Variants in ASPH observed in about 807,000 individuals in gnomAD.
The protein encoded by ASPH is aspartate beta-hydroxylase, also known as aspartyl/asparaginyl beta-hydroxylase.
ASPH carries 100 observed loss-of-function variants against 118.4 expected under a neutral mutation model. That is an observed-to-expected ratio of 0.84 (90% CI 0.72 to 1.00). The LOEUF (loss-of-function observed/expected upper bound fraction) is 1.00, where lower values mean the gene tolerates loss of function less well. Among genes scored for constraint, ASPH ranks in the 50% least tolerant of loss-of-function variants. The pLI, the probability that ASPH is intolerant of heterozygous loss-of-function variation, is 0.00. For synonymous variants in ASPH, 315 were observed against 325.6 expected, an observed-to-expected ratio of 0.97 and a Z score of 0.35; for missense variants, 920 against 919.5, an observed-to-expected ratio of 1.00 and a Z score of -0.01.
chr8:61,509,800 AG>A (rs909882324), intron 24 of ASPH, among the ~76,000 whole-genome samples: 7 of 152,028 alleles, frequency 4.6e-5, no homozygotes, highest in African/African-American at 1.5e-4. Context: ...AGATGTGAGT[AG>A]GGGGGGAGGG....
chr8:61,664,722 C>T (rs1259344905), intron 3 of ASPH: 4 of 985,596 alleles, frequency 4.1e-6, no homozygotes, highest in Non-Finnish European at 4.8e-6. Context: ...GAACGGCCCC[C>T]TGAAAGGCTG....
intron 3 of ASPH, chr8:61,663,067 T>C (rs1320043806): frequency 1.1e-5 from 11 of 985,296 alleles, no homozygotes; most frequent in East Asian, 1.1e-4. Context: ...TAAAATTTTG[T>C]ACATAAGTTT....
chr8:61,624,675 ATATT>A (rs1852099715), intron 13 of ASPH: 1 of 985,518 alleles, frequency 1.0e-6, no homozygotes, highest in East Asian at 1.1e-4. Context: ...GAATTCAAAA[ATATT>A]TAAAGTTAAC....
At chr8:61,519,826 T>C (rs1436889864) in intron 22 of ASPH, among the ~76,000 whole-genome samples, 1 of 152,228 alleles carries the variant, frequency 6.6e-6, no homozygotes, top group Non-Finnish European at 1.5e-5. Context: ...ACAGCCCTGG[T>C]GACACTTGTA....
At chr8:61,606,080 T>C (rs1276685492) in intron 14 of ASPH, among the ~76,000 whole-genome samples, 1 of 152,176 alleles carries the variant, frequency 6.6e-6, no homozygotes, top group Non-Finnish European at 1.5e-5. Context: ...TGCTTGACTC[T>C]TAGGACTGTC....
intron 21 of ASPH, among the ~76,000 whole-genome samples, chr8:61,533,617 G>C (rs1243883431): frequency 1.3e-5 from 2 of 152,158 alleles, no homozygotes; most frequent in African/African-American, 2.4e-5. Context: ...AAGCCAGTTT[G>C]TTTGTTTTTT....
At chr8:61,690,232 A>G (rs1437158128) in intron 1 of ASPH, among the ~76,000 whole-genome samples, 1 of 152,236 alleles carries the variant, frequency 6.6e-6, no homozygotes, top group African/African-American at 2.4e-5. Flanking sequence ...GAATGAAACA[A>G]AACCATACAT....
At chr8:61,540,949 G>GA (rs199630253) in intron 21 of ASPH, among the ~76,000 whole-genome samples, 3,611 of 150,368 alleles carry the variant, frequency 0.024, 105 homozygotes, top group African/African-American at 0.065. Flanking sequence ...AATAAGAATT[G>GA]AAAAAAAAAT....
intron 1 of ASPH, among the ~76,000 whole-genome samples, chr8:61,701,266 C>T (rs1835178168): frequency 6.6e-6 from 1 of 152,184 alleles, no homozygotes; most frequent in African/African-American, 2.4e-5. Flanking sequence ...GGTGAAGGAC[C>T]AGCTGAGCAG....
intron 15 of ASPH, chr8:61,583,651 G>A (rs1838325145): frequency 7.9e-6 from 2 of 254,586 alleles, no homozygotes; most frequent in Non-Finnish European, 1.5e-5. Flanking sequence ...GAAAACTAAC[G>A]CCCAGAAGAG....
At chr8:61,607,029 T>G (rs1470510398) in intron 14 of ASPH, 1 of 436,344 alleles carries the variant, frequency 2.3e-6, no homozygotes. Flanking sequence ...TTCCATCTCC[T>G]GCCAGCAGTG....
At chr8:61,508,107 C>T (rs1807349961) in intron 24 of ASPH, among the ~76,000 whole-genome samples, 1 of 152,170 alleles carries the variant, frequency 6.6e-6, no homozygotes, top group Non-Finnish European at 1.5e-5. Context: ...CTCCGCCTCC[C>T]AGGCTCAGGT....
At chr8:61,619,612 C>G (rs971007337) in intron 13 of ASPH, among the ~76,000 whole-genome samples, 3 of 152,142 alleles carry the variant, frequency 2.0e-5, no homozygotes, top group Non-Finnish European at 4.4e-5. Flanking sequence ...CAGTGTCTCT[C>G]CCACAAATAG....
intron 13 of ASPH, among the ~76,000 whole-genome samples, chr8:61,622,121 C>T (rs1157300739): frequency 6.6e-6 from 1 of 152,148 alleles, no homozygotes; most frequent in Admixed American, 6.5e-5. Context: ...GGGCAGATCA[C>T]AAGGTCAAGA....
At chr8:61,531,469 T>A (rs1171677282) in intron 21 of ASPH, among the ~76,000 whole-genome samples, 2 of 152,060 alleles carry the variant, frequency 1.3e-5, no homozygotes, top group Admixed American at 6.6e-5. Context: ...AAGGTTTGAG[T>A]GTGTATGGTT....
At position 61,534,322 on chromosome 8, in the gene ASPH, C is replaced by G. The variant is rs1818680413; in HGVS notation, c.1765-8210G>C. ...TTACCTCCTTTTCTCCTAGACTAGT[C>G]AAATCTTGTAATATGTAATCCAACC... On this transcript the variant is annotated intron_variant, in intron 21 of 24. Coordinates refer to ENST00000379454, the MANE Select transcript of ASPH (RefSeq NM_004318.4). Among the ~76,000 whole-genome samples, 2 of 152,092 alleles carry G rather than the reference C, an allele frequency of 1.3e-5. 1 individual carries two copies. Among genetic ancestry groups the G allele is most frequent in the South Asian group, 4.1e-4 (2 of 4,822 alleles).
chr8:61,526,036 G>A lies in ASPH; in HGVS notation c.1841C>T (p.Pro614Leu), dbSNP rs762481351. The A allele has an allele frequency of 6.2e-6, 10 of 1,614,006 alleles. No homozygotes were observed. The East Asian group carries it at 1.3e-4, about 22-fold the overall frequency. Residue 614 changes from proline (P) to leucine (L), a missense_variant, in exon 22 of 25, where the codon CCT becomes CTT. Transcript: ENST00000379454. ...TTTTTCCCTCAGGTTTTCATCCTCA[G>A]GCAGGAAGAGACCTTTGGCTTTATC... ...VMDKAKGLFLPEDENLREKGD... is the reference protein window; with the variant it reads ...VMDKAKGLFLLEDENLREKGD...
chr8:61,526,231 A>T, intron 21 of ASPH, 119 bp from the exon 22 acceptor site: 1 of 1,310,906 alleles, frequency 7.6e-7, no homozygotes, highest in Non-Finnish European at 1.0e-6. Flanking sequence ...CCTTATCTAG[A>T]TTGCTTATAT....
At position 61,503,616 on chromosome 8, in the gene ASPH, G is replaced by A. The variant is rs1041799506; in HGVS notation, c.2127-107C>T. The A allele has an allele frequency of 4.6e-6, 5 of 1,075,510 alleles. No individual in the cohort carries two copies. In the Admixed American group the frequency reaches 1.3e-4, roughly 28 times the overall value. 66.6% of individuals were successfully genotyped at this position (1,075,510 alleles called of 1,614,324 possible). On this transcript the variant is annotated intron_variant, in intron 24 of 24. Coordinates refer to ENST00000379454, the MANE Select transcript of ASPH (RefSeq NM_004318.4). ...AACTACCTTTGGTAACAACCTTTGGGACATAACCAAATAACTAGAACATCA... is the reference window on the plus strand; with the variant it reads ...AACTACCTTTGGTAACAACCTTTGGAACATAACCAAATAACTAGAACATCA...
Sources: gnomAD v4.1 joint callset for allele counts (sites outside exome capture counted in the v4.1 genomes callset) on GRCh38, gnomAD v4.1.1 for gene constraint, MANE v1.5 for transcripts, NCBI Gene and HGNC (gene_info 2026-07-23, HGNC 2026-07-21) for gene names.